ADPRHL1: variants seen among roughly 807,000 people sequenced by gnomAD.
ADPRHL1 encodes inactive ADP-ribosyltransferase ARH2.
ADPRHL1 carries 43 observed loss-of-function variants against 44.1 expected under a neutral mutation model. The observed-to-expected ratio is 0.98, with a 90% confidence interval of 0.76 to 1.26. The LOEUF is 1.26. Ranked by LOEUF, ADPRHL1 falls within the 50% of genes most tolerant of loss-of-function variation. The probability of loss-of-function intolerance (pLI) is 0.00; values close to 1 mark genes in which losing one functional copy is unlikely to be tolerated. For synonymous variants in ADPRHL1, 878 were observed against 1,017.4 expected (o/e 0.86, Z 2.61); for missense variants, 2,022 against 2,496.9 (o/e 0.81, Z 4.05).
At chr13:113,449,997 C>T (rs775961028) in intron 1 of ADPRHL1, among the ~76,000 whole-genome samples, 4 of 152,304 alleles carry the variant, frequency 2.6e-5, no homozygotes, top group South Asian at 2.1e-4. Context: ...TCAGCCTCCA[C>T]GGTGATGTGA....
chr13:113,403,407 C>A lies in ADPRHL1; in HGVS notation c.5875G>T (p.Ala1959Ser), dbSNP rs993834186. The A allele has an allele frequency of 1.6e-6, 2 of 1,231,978 alleles. No homozygotes were observed. Among genetic ancestry groups the A allele is most frequent in the Non-Finnish European group, 2.0e-6 (2 of 987,984 alleles). 76.3% of individuals were successfully genotyped at this position (1,231,978 alleles called of 1,614,324 possible). A position where few individuals can be genotyped will look rare whatever the true frequency, so the allele number is the denominator to read the frequency against. Residue 1959 changes from alanine (A) to serine (S), a missense_variant, in exon 8 of 8, where the codon GCC becomes TCC. This residue lies in a region of ADPRHL1 where 205 missense variants were observed against 250.1 expected (regional missense o/e 0.82). Transcript: ENST00000612156. ...DLSFRPMSVR[A>S]SDTSELPK is the part of the protein sequence containing the mutation. ...TTTGGGAGCTCAGACGTGTCGCTGGCCCTGACGCTCATTGGTCTGAAGGAC... is the reference window on the plus strand; with the variant it reads ...TTTGGGAGCTCAGACGTGTCGCTGGACCTGACGCTCATTGGTCTGAAGGAC...
chr13:113,411,398 T>C (rs1431636603), intron 7 of ADPRHL1, among the ~76,000 whole-genome samples: 2 of 152,288 alleles, frequency 1.3e-5, no homozygotes, highest in East Asian at 1.9e-4. Flanking sequence ...TCCTCATAGG[T>C]TGGACTAGCT....
chr13:113,443,368 G>A (rs1054484026), intron 2 of ADPRHL1, among the ~76,000 whole-genome samples: 8 of 152,056 alleles, frequency 5.3e-5, no homozygotes, highest in Admixed American at 1.3e-4. Flanking sequence ...TCAGCACTTG[G>A]AGACTGAGGT....
Position 113,405,813 on chromosome 13 carries a change from C to G in ADPRHL1, c.3469G>C (p.Glu1157Gln). Residue 1157 changes from glutamate (E) to glutamine (Q), a missense_variant, in exon 8 of 8, where the codon GAA becomes CAA. Physicochemically the swap from Glu to Gln is conservative, Grantham distance 29. This residue lies in a region of ADPRHL1 where 1,221 missense variants were observed against 1,517.8 expected (regional missense o/e 0.80). Transcript: ENST00000612156. Reference sequence around the variant, plus strand: ...AGAGCCTCTCCTCTGGGGTGGCTTTCGGACAAGGCTCTGCTTCCCCACTGG... The same window carrying G: ...AGAGCCTCTCCTCTGGGGTGGCTTTGGGACAAGGCTCTGCTTCCCCACTGG... ...LGQWGSRALS[E>Q]SHPRGEALPR... 8 of 1,231,806 alleles carry G rather than the reference C, an allele frequency of 6.5e-6. No individual in the cohort carries two copies. In the South Asian group the frequency reaches 2.9e-4, roughly 44 times the overall value. The allele number at this position is 1,231,806 out of a possible 1,614,324, so 76.3% of individuals were successfully genotyped here.
intron 3 of ADPRHL1, among the ~76,000 whole-genome samples, chr13:113,430,831 C>T (rs1022170523): frequency 1.3e-5 from 2 of 152,016 alleles, no homozygotes; most frequent in African/African-American, 4.8e-5. Flanking sequence ...CCGATGGGAG[C>T]AGCTGTGGTG....
intron 4 of ADPRHL1, among the ~76,000 whole-genome samples, chr13:113,428,387 G>A (rs2043981978): frequency 1.3e-5 from 2 of 152,202 alleles, no homozygotes; most frequent in South Asian, 4.1e-4. Flanking sequence ...AACCATGCAA[G>A]GACGCCAAAG....
intron 3 of ADPRHL1, among the ~76,000 whole-genome samples, chr13:113,433,167 C>G (rs1391990969): frequency 6.6e-6 from 1 of 152,220 alleles, no homozygotes; most frequent in Non-Finnish European, 1.5e-5. Flanking sequence ...CGCCCCGTTA[C>G]AGGTTAGAAA....
At chr13:113,424,935 C>T (rs1454574560) in intron 5 of ADPRHL1, 117 bp downstream of exon 5, 2 of 1,274,116 alleles carry the variant, frequency 1.6e-6, no homozygotes, top group Non-Finnish European at 2.2e-6. Context: ...TCCATCTATC[C>T]ATCCATCTAT....
Position 113,401,488 on chromosome 13 carries a change from GC to G in ADPRHL1, c.*1889del. 6.6e-6 allele frequency: 1 copy of G among 152,386 alleles called. No individual in the cohort carries two copies. Among genetic ancestry groups the G allele is most frequent in the Non-Finnish European group, 1.5e-5 (1 of 68,134 alleles). The allele number at this position is 152,386 out of a possible 1,614,324, so 9.4% of individuals were successfully genotyped here. Reference sequence around the variant, plus strand: ...GGACCATCCTGTGTGCAGCTGGGCTGCCCCGGGACCCACACGCGCGAGGGGC... The same window carrying G: ...GGACCATCCTGTGTGCAGCTGGGCTGCCCGGGACCCACACGCGCGAGGGGC... On this transcript the variant is annotated 3_prime_UTR_variant, in exon 8 of 8. Coordinates refer to ENST00000612156, the MANE Select transcript of ADPRHL1 (RefSeq NM_001394807.1). The surrounding 1 kb of genome is among the most constrained non-coding windows in gnomAD (Gnocchi z 5.5).
At chr13:113,423,085 G>A (rs2043938563) in intron 6 of ADPRHL1, 106 bp from the exon 7 acceptor site, 5 of 1,499,122 alleles carry the variant, frequency 3.3e-6, no homozygotes, top group African/African-American at 2.8e-5. Context: ...AATTCTGCTG[G>A]GGGCAGCTGA....
Position 113,406,572 on chromosome 13 carries a change from T to C in ADPRHL1, c.2710A>G (p.Lys904Glu). The C allele has an allele frequency of 8.1e-7, 1 of 1,232,046 alleles. No individual in the cohort carries two copies. Among genetic ancestry groups the C allele is most frequent in the Non-Finnish European group, 1.0e-6 (1 of 987,968 alleles). 76.3% of individuals were successfully genotyped at this position (1,232,046 alleles called of 1,614,324 possible). A position where few individuals can be genotyped will look rare whatever the true frequency, so the allele number is the denominator to read the frequency against. ...AGTCCCGCCTGCATCCCTGAAAGCT[T>C]GCTCAGTTCCACTGGGGCTCGGTGA... ...RGHRAPVELSKLSGMQAGLSA... is the reference protein window; with the variant it reads ...RGHRAPVELSELSGMQAGLSA... The change falls in exon 8 of 8, where the codon AAG becomes GAG. Residue 904 changes from lysine to glutamate, a missense_variant. By Grantham distance (56) the Lys-to-Glu change is moderately conservative. This residue lies in a region of ADPRHL1 where 1,221 missense variants were observed against 1,517.8 expected (regional missense o/e 0.80). Transcript: ENST00000612156.
At chr13:113,435,085 G>C (rs1595550907) in intron 2 of ADPRHL1, among the ~76,000 whole-genome samples, 2 of 140,278 alleles carry the variant, frequency 1.4e-5, no homozygotes, top group East Asian at 4.3e-4. Context: ...GAACATAGGT[G>C]TACCCTGGGA....
At position 113,400,433 on chromosome 13, in the gene ADPRHL1, C is replaced by G. The variant is rs187434740; in HGVS notation, c.*2945G>C. On this transcript the variant is annotated 3_prime_UTR_variant, in exon 8 of 8. Coordinates refer to ENST00000612156, the MANE Select transcript of ADPRHL1 (RefSeq NM_001394807.1). ...TGCTGGGATTACAGGCATGAGCCAC[C>G]GTGCCCGGCCACTTTCTTTCTTTCT... 1.3e-5 allele frequency: 2 copies of G among 150,746 alleles called. No homozygotes were observed. The highest frequency in any genetic ancestry group is 6.6e-5 in the Admixed American group (1 of 15,168). The allele number at this position is 150,746 out of a possible 1,614,324, so 9.3% of individuals were successfully genotyped here.
At chr13:113,421,141 C>G (rs116494904) in intron 7 of ADPRHL1, among the ~76,000 whole-genome samples, 31,950 of 90,214 alleles carry the variant, frequency 0.35, 8,001 homozygotes, top group Middle Eastern at 0.57. Context: ...ACCCCCGGGA[C>G]ACGCACATCC....
chr13:113,409,825 C>A lies in ADPRHL1; in HGVS notation c.1062-1605G>T. On this transcript the variant is annotated intron_variant, in intron 7 of 7. Transcript: ENST00000612156. This position sits in a 1 kb window ranked among gnomAD's most constrained non-coding sequence, Gnocchi z 4.2. ...AATGGCGTGAACCCAGGAGGCAGAG[C>A]TTGCAGTGAGCCGAGATCGCACCAC... 1 of 775,638 alleles carries A rather than the reference C, an allele frequency of 1.3e-6. No homozygotes were observed. The highest frequency in any genetic ancestry group is 1.6e-6 in the Non-Finnish European group (1 of 643,348). The allele number at this position is 775,638 out of a possible 1,614,324, so 48.0% of individuals were successfully genotyped here.
rs559967651 is a variant in ADPRHL1, at chr13:113,409,142, C to A, written c.1062-922G>T. Among the ~76,000 whole-genome samples, 1 of 152,126 alleles carries A rather than the reference C, an allele frequency of 6.6e-6. No homozygotes were observed. Among genetic ancestry groups the A allele is most frequent in the Non-Finnish European group, 1.5e-5 (1 of 68,022 alleles). On this transcript the variant is annotated intron_variant, in intron 7 of 7. Transcript: ENST00000612156. The surrounding 1 kb of genome is among the most constrained non-coding windows in gnomAD (Gnocchi z 4.2). Reference sequence around the variant, plus strand: ...CCCACCAGCCCAGCTTTCAAAGAGACGGGACCAAATGGGTCTTGGCTGGAG... The same window carrying A: ...CCCACCAGCCCAGCTTTCAAAGAGAAGGGACCAAATGGGTCTTGGCTGGAG...
At position 113,433,778 on chromosome 13, in the gene ADPRHL1, C is replaced by T. The variant is rs770530487; in HGVS notation, c.469G>A (p.Val157Met). The change falls in exon 3 of 8, where the codon GTG (valine) becomes ATG (methionine). Residue 157 changes from valine to methionine, a missense_variant. Around this residue, in one of 8 missense-constraint regions of ADPRHL1, gnomAD observed 437 missense variants for 430.7 expected, o/e 1.01. Transcript: ENST00000612156. ...ERLETLIEVS[V>M]ECGRMTHNHP... is the part of the protein sequence containing the mutation. ...TTGTGGGTCATCCGGCCGCACTCCA[C>T]GCTGACCTCGATGAGGGTCTCCAGC... 9 of 1,594,536 alleles carry T rather than the reference C, an allele frequency of 5.6e-6. No individual in the cohort carries two copies. The highest frequency in any genetic ancestry group is 1.7e-5 in the Admixed American group (1 of 58,210).
chr13:113,437,079 C>CGT (rs1491499186), intron 2 of ADPRHL1, among the ~76,000 whole-genome samples: 1 of 147,968 alleles, frequency 6.8e-6, no homozygotes, highest in Admixed American at 6.7e-5. Context: ...ACCCAGCACC[C>CGT]ACACGTAGAG....
At chr13:113,429,432 T>A (rs559523440) in intron 3 of ADPRHL1, among the ~76,000 whole-genome samples, 3 of 152,348 alleles carry the variant, frequency 2.0e-5, no homozygotes, top group African/African-American at 7.2e-5. Context: ...TTTGTCCCTT[T>A]GTGGCGGGCG....
Sources: allele counts gnomAD v4.1 joint callset (sites outside exome capture counted in the v4.1 genomes callset), GRCh38; gene constraint gnomAD v4.1.1; regional missense constraint gnomAD v4.1.1; non-coding constraint Gnocchi (gnomAD v3.1); transcripts MANE v1.5; gene names NCBI Gene and HGNC (gene_info 2026-07-23, HGNC 2026-07-21).